The following LDLRAD2 variants were observed in gnomAD, a reference collection of about 807,000 sequenced individuals.
The protein encoded by LDLRAD2 is low-density lipoprotein receptor class A domain-containing protein 2.
LDLRAD2 carries 25 observed loss-of-function variants against 24.9 expected under a neutral mutation model. That is an observed-to-expected ratio of 1.00 (90% CI 0.73 to 1.40). The LOEUF is 1.40. Among genes scored for constraint, LDLRAD2 ranks in the 40% most tolerant of loss-of-function variants. The pLI is 0.00. For synonymous variants in LDLRAD2, 182 were observed against 166.7 expected (o/e 1.09, Z -0.71); for missense variants, 391 against 366.2 (o/e 1.07, Z -0.55).
intron 4 of LDLRAD2, 149 bp downstream of exon 4, chr1:21,821,760 T>C: frequency 6.8e-7 from 1 of 1,469,758 alleles, no homozygotes; most frequent in Non-Finnish European, 9.0e-7. Context: ...GCCTCCTCGA[T>C]GCTCCTGGCC....
intron 3 of LDLRAD2, among the ~76,000 whole-genome samples, chr1:21,818,109 T>G (rs2097945919): frequency 1.2e-5 from 1 of 80,886 alleles, no homozygotes; most frequent in Non-Finnish European, 2.4e-5. Flanking sequence ...ACTCCTGACC[T>G]CAAGTGATCC....
At chr1:21,814,329 G>A (rs2097941484) in intron 1 of LDLRAD2, 69 bp from the exon 2 acceptor site, 1 of 1,338,376 alleles carries the variant, frequency 7.5e-7, no homozygotes. Context: ...GGATCACACA[G>A]CGGGCAGGGG....
Position 21,814,836 on chromosome 1 carries a change from T to A in LDLRAD2, c.511+13T>A. On this transcript the variant is annotated intron_variant, in intron 2 of 4. Coordinates refer to ENST00000344642, the MANE Select transcript of LDLRAD2 (RefSeq NM_001013693.3). ...TCTTTCCGTCTGGGTGAGCTGGGGCTGAAGGCCGGGACGGGACCCTCTGCA... is the reference window on the plus strand; with the variant it reads ...TCTTTCCGTCTGGGTGAGCTGGGGCAGAAGGCCGGGACGGGACCCTCTGCA... 1 of 1,469,442 alleles carries A rather than the reference T, an allele frequency of 6.8e-7. No homozygotes were observed. The highest frequency in any genetic ancestry group is 8.9e-7 in the Non-Finnish European group (1 of 1,119,424). The allele number at this position is 1,469,442 out of a possible 1,614,324, so 91.0% of individuals were successfully genotyped here. A position where few individuals can be genotyped will look rare whatever the true frequency, so the allele number is the denominator to read the frequency against.
Position 21,824,861 on chromosome 1 carries a change from A to C in LDLRAD2, c.*2646A>C. On this transcript the variant is annotated 3_prime_UTR_variant, in exon 5 of 5. Coordinates refer to ENST00000344642, the MANE Select transcript of LDLRAD2 (RefSeq NM_001013693.3). This position sits in a 1 kb window ranked among gnomAD's most constrained non-coding sequence, Gnocchi z 5.9. ...GTCAGTTCCCCTGACCCCCACCTCC[A>C]CGCCAACATGCAGGACTAGGGGGCT... 7.9e-7 allele frequency: 1 copy of C among 1,272,244 alleles called. No homozygotes were observed. The highest frequency in any genetic ancestry group is 1.1e-6 in the Non-Finnish European group (1 of 893,032). The allele number at this position is 1,272,244 out of a possible 1,614,324, so 78.8% of individuals were successfully genotyped here. A position where few individuals can be genotyped will look rare whatever the true frequency, so the allele number is the denominator to read the frequency against.
intron 4 of LDLRAD2, chr1:21,821,964 G>C (rs1402371894): frequency 2.0e-5 from 28 of 1,424,362 alleles, no homozygotes; most frequent in Non-Finnish European, 2.4e-5. Context: ...GCCATCCCTA[G>C]AGGGGCTTCG....
rs192782459 is a variant in LDLRAD2 at position 21,821,879 on chromosome 1, A to T, written c.805+268A>T. ...CCTCCACTGCAGCACAGCCTGTACC[A>T]CGTGCTACCCATGTCCCAGCCAGGT... is the stretch of plus-strand genomic sequence containing the variant. On this transcript the variant is annotated intron_variant, in intron 4 of 4. Transcript: ENST00000344642. 9.2e-5 allele frequency: 130 copies of T among 1,419,300 alleles called. 1 individual carries two copies. In the African/African-American group the frequency reaches 1.1e-3, roughly 12 times the overall value. 87.9% of individuals were successfully genotyped at this position (1,419,300 alleles called of 1,614,324 possible).
intron 3 of LDLRAD2, among the ~76,000 whole-genome samples, chr1:21,820,504 CAG>C (rs2097949548): frequency 8.2e-6 from 1 of 122,358 alleles, no homozygotes; most frequent in Non-Finnish European, 1.6e-5. Flanking sequence ...GCCTGGGCGA[CAG>C]AGCGAGACTC....
At chr1:21,818,091 G>C (rs1435610798) in intron 3 of LDLRAD2, among the ~76,000 whole-genome samples, 1 of 116,282 alleles carries the variant, frequency 8.6e-6, no homozygotes, top group African/African-American at 3.5e-5. Flanking sequence ...TGGACAGGCT[G>C]GTCTCAAACT....
At position 21,816,077 on chromosome 1, in the gene LDLRAD2, C is replaced by A; in HGVS notation, c.643+3C>A. ...CTGGTCACCAGCTGACTGCAGAGGT[C>A]AGTGCGGGGTGTGGACTGGGCCCTA... On this transcript the variant is annotated splice_donor_region_variant and intron_variant, in intron 3 of 4. Coordinates refer to ENST00000344642, the MANE Select transcript of LDLRAD2 (RefSeq NM_001013693.3). 1.2e-6 allele frequency: 2 copies of A among 1,612,578 alleles called. No individual in the cohort carries two copies. Among genetic ancestry groups the A allele is most frequent in the South Asian group, 2.2e-5 (2 of 91,062 alleles).
chr1:21,823,789 C>G lies in LDLRAD2; in HGVS notation c.*1574C>G, dbSNP rs917665524. 2.5e-6 allele frequency: 3 copies of G among 1,200,114 alleles called. No homozygotes were observed. The African/African-American group carries it at 4.5e-5, about 18-fold the overall frequency. 74.3% of individuals were successfully genotyped at this position (1,200,114 alleles called of 1,614,324 possible). The stretch of plus-strand genomic sequence containing the variant: ...CCTCCCCGGCCCCACGACAGAGTCC[C>G]CTCCCTCTGATATCGAGACTCCAGA... On this transcript the variant is annotated 3_prime_UTR_variant, in exon 5 of 5. Coordinates refer to ENST00000344642, the MANE Select transcript of LDLRAD2 (RefSeq NM_001013693.3).
chr1:21,824,204 C>T lies in LDLRAD2; in HGVS notation c.*1989C>T, dbSNP rs1350149075. 8.7e-6 allele frequency: 14 copies of T among 1,613,818 alleles called. No individual in the cohort carries two copies. The highest frequency in any genetic ancestry group is 1.2e-5 in the Non-Finnish European group (14 of 1,180,008). On this transcript the variant is annotated 3_prime_UTR_variant, in exon 5 of 5. Transcript: ENST00000344642. This position sits in a 1 kb window ranked among gnomAD's most constrained non-coding sequence, Gnocchi z 5.9. ...GGGCCTCCCCACTACCCAGCTGGTACCTGCAGTCATCCAGGCCCAAGAAGT... is the reference window on the plus strand; with the variant it reads ...GGGCCTCCCCACTACCCAGCTGGTATCTGCAGTCATCCAGGCCCAAGAAGT...
At chr1:21,814,377 T>G (rs2152677283) in intron 1 of LDLRAD2, 21 bp from the exon 2 acceptor site, 1 of 1,562,352 alleles carries the variant, frequency 6.4e-7, no homozygotes, top group Non-Finnish European at 8.6e-7. Flanking sequence ...GCGGCTCCAG[T>G]TTCCGTGCCT....
In LDLRAD2 at chr1:21,812,382, C is replaced by T. The variant is rs953281779; in HGVS notation, c.-70C>T. 3 of 1,280,040 alleles carry T rather than the reference C, an allele frequency of 2.3e-6. No homozygotes were observed. Among genetic ancestry groups the T allele is most frequent in the Non-Finnish European group, 2.3e-6 (2 of 882,818 alleles). 79.3% of individuals were successfully genotyped at this position (1,280,040 alleles called of 1,614,324 possible). On this transcript the variant is annotated 5_prime_UTR_variant, in exon 1 of 5. Coordinates refer to ENST00000344642, the MANE Select transcript of LDLRAD2 (RefSeq NM_001013693.3). ...GCTGGCCTGACCAGGCCCCATACTC[C>T]AGTCTCCCCAGAGACCCCAAGCTGA...
At chr1:21,816,379 G>A (rs1310883644) in intron 3 of LDLRAD2, among the ~76,000 whole-genome samples, 2 of 152,214 alleles carry the variant, frequency 1.3e-5, no homozygotes, top group African/African-American at 2.4e-5. Context: ...TGGGCCTGGG[G>A]CCCTGGCTGC....
At chr1:21,821,797 C>T (rs577571608) in intron 4 of LDLRAD2, 186 bp downstream of exon 4, 15 of 1,436,146 alleles carry the variant, frequency 1.0e-5, no homozygotes, top group Middle Eastern at 5.1e-4. Context: ...TGGGCCTCCT[C>T]TGGTGCTGTT....
At chr1:21,821,837 G>A in intron 4 of LDLRAD2, 1 of 1,428,108 alleles carries the variant, frequency 7.0e-7, no homozygotes, top group Non-Finnish European at 9.1e-7. Flanking sequence ...CTGGCAACCT[G>A]GTGCCCGTGG....
intron 1 of LDLRAD2, among the ~76,000 whole-genome samples, 195 bp downstream of exon 1, chr1:21,812,731 C>CA (rs1417368316): frequency 6.6e-6 from 1 of 152,204 alleles, no homozygotes; most frequent in Admixed American, 6.5e-5. Flanking sequence ...TTGGATCTGC[C>CA]AGTCACCTAG....
In LDLRAD2 at chr1:21,812,294, A is replaced by C; in HGVS notation, c.-158A>C. 1 of 596,440 alleles carries C rather than the reference A, an allele frequency of 1.7e-6. No individual in the cohort carries two copies. Among genetic ancestry groups the C allele is most frequent in the Middle Eastern group, 4.6e-4 (1 of 2,180 alleles). 36.9% of individuals were successfully genotyped at this position (596,440 alleles called of 1,614,324 possible). A position where few individuals can be genotyped will look rare whatever the true frequency, so the allele number is the denominator to read the frequency against. ...ACCAAATGAAGAGGATCTGGAAGGC[A>C]AAGCACTAAGATCATAGTGAAGACT... is the stretch of plus-strand genomic sequence containing the variant. On this transcript the variant is annotated 5_prime_UTR_variant, in exon 1 of 5. Transcript: ENST00000344642.
At chr1:21,820,376 A>G (rs905652550) in intron 3 of LDLRAD2, among the ~76,000 whole-genome samples, 1 of 152,058 alleles carries the variant, frequency 6.6e-6, no homozygotes, top group African/African-American at 2.4e-5. Context: ...ACAAAAAATT[A>G]GCTGGGCGCA....
Sources: allele counts gnomAD v4.1 joint callset (sites outside exome capture counted in the v4.1 genomes callset), GRCh38; gene constraint gnomAD v4.1.1; non-coding constraint Gnocchi (gnomAD v3.1); transcripts MANE v1.5; gene names NCBI Gene and HGNC (gene_info 2026-07-23, HGNC 2026-07-21).